The following EHBP1 variants were observed in gnomAD, a reference collection of about 807,000 sequenced individuals.
EHBP1 encodes EH domain binding protein 1, also known as EH domain-binding protein 1.
Under a neutral mutation model 144.0 loss-of-function variants are expected in EHBP1, and 55 were observed. That is an observed-to-expected ratio of 0.38 (90% CI 0.31 to 0.48). The LOEUF is 0.48. Among genes scored for constraint, EHBP1 ranks in the 20% least tolerant of loss-of-function variants. The pLI is 0.98. For synonymous variants in EHBP1, 469 were observed against 472.7 expected (o/e 0.99, Z 0.10); for missense variants, 1,200 against 1,364.2 (o/e 0.88, Z 1.90).
intron 14 of EHBP1, among the ~76,000 whole-genome samples, chr2:62,958,305 CA>C (rs1349902446): frequency 1.3e-5 from 2 of 152,050 alleles, no homozygotes; most frequent in African/African-American, 4.8e-5. Flanking sequence ...AGAAACAGGA[CA>C]AAATTTAAAT....
At position 62,985,232 on chromosome 2, in the gene EHBP1, C is replaced by T. The variant is rs76375834; in HGVS notation, c.2609-5484C>T. 9.2e-3 allele frequency among the ~76,000 whole-genome samples: 1,405 copies of T among 152,234 alleles called. 9 individuals are homozygous for T. Among genetic ancestry groups the T allele is most frequent in the Non-Finnish European group, 0.014 (926 of 68,014 alleles). ...CATTTAGGTCAGCAATTTTGCATGACAGATGGTGTCACGTGCATAGGGCTG... is the reference window on the plus strand; with the variant it reads ...CATTTAGGTCAGCAATTTTGCATGATAGATGGTGTCACGTGCATAGGGCTG... On this transcript the variant is annotated intron_variant, in intron 15 of 22. Coordinates refer to ENST00000431489, the MANE Select transcript of EHBP1 (RefSeq NM_001142616.3).
intron 7 of EHBP1, among the ~76,000 whole-genome samples, chr2:62,856,652 G>A (rs1468769195): frequency 6.6e-6 from 1 of 152,158 alleles, no homozygotes; most frequent in Non-Finnish European, 1.5e-5. Flanking sequence ...TCAGGCAAAG[G>A]CACCACTGGC....
intron 9 of EHBP1, among the ~76,000 whole-genome samples, chr2:62,868,911 T>A (rs1175249771): frequency 6.6e-6 from 1 of 151,924 alleles, no homozygotes; most frequent in Non-Finnish European, 1.5e-5. Context: ...CTATGATCAC[T>A]CCATTGCACT....
intron 1 of EHBP1, among the ~76,000 whole-genome samples, chr2:62,681,361 A>ATATATATATATATATATATATATATATAT (rs2033519955): frequency 2.8e-4 from 4 of 14,536 alleles, no homozygotes; most frequent in South Asian, 2.6e-3. Flanking sequence ...TATATATATA[A>ATATATATATATATATATATATATATATAT]TGTGTATATA....
intron 5 of EHBP1, among the ~76,000 whole-genome samples, chr2:62,785,230 C>G (rs2042721306): frequency 6.6e-6 from 1 of 152,040 alleles, no homozygotes; most frequent in Non-Finnish European, 1.5e-5. Context: ...AAAATGAATT[C>G]ACCATCCACT....
rs192771075 is a variant in EHBP1, at chr2:62,845,032, A to G, written c.634+13874A>G. Among the ~76,000 whole-genome samples, 337 of 152,186 alleles carry G rather than the reference A, an allele frequency of 2.2e-3. 2 individuals carry two copies. Among genetic ancestry groups the G allele is most frequent in the African/African-American group, 7.6e-3 (315 of 41,530 alleles). Reference sequence around the variant, plus strand: ...GGGTACAAAGTGACAAGATTCAGATAGTTAGGAGCAGGGATTGCTTTGTCT... The same window carrying G: ...GGGTACAAAGTGACAAGATTCAGATGGTTAGGAGCAGGGATTGCTTTGTCT... On this transcript the variant is annotated intron_variant, in intron 7 of 22. Coordinates refer to ENST00000431489, the MANE Select transcript of EHBP1 (RefSeq NM_001142616.3).
At chr2:62,836,801 A>C (rs1329389531) in intron 7 of EHBP1, among the ~76,000 whole-genome samples, 21 of 150,314 alleles carry the variant, frequency 1.4e-4, no homozygotes, top group African/African-American at 4.2e-4. Context: ...AAAGAATAAA[A>C]AGAAATGAGC....
At chr2:62,837,835 T>A (rs1042119572) in intron 7 of EHBP1, among the ~76,000 whole-genome samples, 1 of 151,720 alleles carries the variant, frequency 6.6e-6, no homozygotes, top group East Asian at 1.9e-4. Flanking sequence ...CCCAGATTCA[T>A]AAAGCAAGTC....
rs186905235 is a variant in EHBP1 at position 63,045,800 on chromosome 2, C to G, written c.*300C>G. The G allele has an allele frequency of 4.6e-5, 10 of 217,508 alleles. No individual in the cohort carries two copies. The highest frequency in any genetic ancestry group is 8.2e-5 in the Non-Finnish European group (9 of 110,176). The allele number at this position is 217,508 out of a possible 1,614,324, so 13.5% of individuals were successfully genotyped here. Reference sequence around the variant, plus strand: ...TATTGGAGGTGTTCAAGAAACTGTTCGAAAAAGAACAAAAACACTTCCCTC... The same window carrying G: ...TATTGGAGGTGTTCAAGAAACTGTTGGAAAAAGAACAAAAACACTTCCCTC... On this transcript the variant is annotated 3_prime_UTR_variant, in exon 23 of 23. Coordinates refer to ENST00000431489, the MANE Select transcript of EHBP1 (RefSeq NM_001142616.3). The surrounding 1 kb of genome is among the most constrained non-coding windows in gnomAD (Gnocchi z 5.7).
chr2:62,886,079 C>T (rs1041776473), intron 10 of EHBP1, among the ~76,000 whole-genome samples: 1 of 152,156 alleles, frequency 6.6e-6, no homozygotes, highest in Non-Finnish European at 1.5e-5. Flanking sequence ...CTTATTGCTC[C>T]TAGGAGCAAA....
chr2:62,697,262 T>G (rs1206431709), intron 1 of EHBP1, among the ~76,000 whole-genome samples: 4 of 152,208 alleles, frequency 2.6e-5, no homozygotes, highest in Admixed American at 1.3e-4. Flanking sequence ...ATAAAAATAA[T>G]AATGTAAATA....
intron 19 of EHBP1, among the ~76,000 whole-genome samples, chr2:63,013,737 T>G (rs370529389): frequency 6.6e-6 from 1 of 152,206 alleles, no homozygotes; most frequent in Admixed American, 6.5e-5. Context: ...CGAATGCTTT[T>G]TGTGTTAGGA....
At chr2:62,881,418 GAAAAA>G (rs371288881) in intron 10 of EHBP1, among the ~76,000 whole-genome samples, 2 of 69,778 alleles carry the variant, frequency 2.9e-5, no homozygotes, top group African/African-American at 1.1e-4. Context: ...AGGAAAAACG[GAAAAA>G]AAAAAAAAAA....
intron 3 of EHBP1, 96 bp from the exon 4 acceptor site, chr2:62,764,170 C>G (rs537677715): frequency 3.5e-6 from 3 of 862,104 alleles, no homozygotes; most frequent in Admixed American, 6.2e-5. Flanking sequence ...ATTGCATTTC[C>G]TGTACTTCAT....
intron 10 of EHBP1, among the ~76,000 whole-genome samples, chr2:62,932,838 C>T (rs1285227098): frequency 6.6e-6 from 1 of 151,510 alleles, no homozygotes; most frequent in Non-Finnish European, 1.5e-5. Context: ...CCTGTAATCC[C>T]AGCTACTTCG....
At chr2:62,742,212 C>T (rs144058143) in intron 2 of EHBP1, among the ~76,000 whole-genome samples, 1 of 152,194 alleles carries the variant, frequency 6.6e-6, no homozygotes, top group African/African-American at 2.4e-5. Flanking sequence ...TTTTCTCAGA[C>T]TATATCTCTA....
intron 5 of EHBP1, among the ~76,000 whole-genome samples, chr2:62,780,482 A>G (rs1262341905): frequency 1.3e-5 from 2 of 152,108 alleles, no homozygotes; most frequent in African/African-American, 2.4e-5. Context: ...TCTCCTCCTT[A>G]GTTTCCCTTA....
intron 2 of EHBP1, among the ~76,000 whole-genome samples, chr2:62,714,761 A>G (rs1326435104): frequency 1.3e-5 from 2 of 152,224 alleles, no homozygotes; most frequent in African/African-American, 2.4e-5. Flanking sequence ...CTGTAAATAT[A>G]ACCTGAACTT....
chr2:62,762,459 C>T (rs2040842149), intron 3 of EHBP1, among the ~76,000 whole-genome samples: 1 of 152,202 alleles, frequency 6.6e-6, no homozygotes, highest in South Asian at 2.1e-4. Context: ...AACATCCACC[C>T]TTGAATATCT....
Sources: allele counts gnomAD v4.1 joint callset (sites outside exome capture counted in the v4.1 genomes callset), GRCh38; gene constraint gnomAD v4.1.1; non-coding constraint Gnocchi (gnomAD v3.1); transcripts MANE v1.5; gene names NCBI Gene and HGNC (gene_info 2026-07-23, HGNC 2026-07-21).